ARHGEF38: variants seen among roughly 807,000 people sequenced by gnomAD.
ARHGEF38 encodes Rho guanine nucleotide exchange factor 38, also known as Rho guanine nucleotide exchange factor (GEF) 38.
A neutral mutation model predicts 79.9 loss-of-function variants in ARHGEF38; 79 were observed. That is an observed-to-expected ratio of 0.99 (90% CI 0.82 to 1.19). ARHGEF38 has a LOEUF of 1.19. ARHGEF38 is among the 50% of genes most tolerant of loss of function. The probability of loss-of-function intolerance (pLI) is 0.00; values close to 1 mark genes in which losing one functional copy is unlikely to be tolerated. For missense variants in ARHGEF38, 962 were observed against 907.2 expected (o/e 1.06, Z -0.78); for synonymous variants, 366 against 328.3 (o/e 1.11, Z -1.24).
chr4:105,653,841 A>G (rs1165469686), intron 7 of ARHGEF38, among the ~76,000 whole-genome samples: 1 of 152,236 alleles, frequency 6.6e-6, no homozygotes, highest in Admixed American at 6.5e-5. Context: ...GAAATTAACA[A>G]CAGCAATTTG....
intron 3 of ARHGEF38, among the ~76,000 whole-genome samples, chr4:105,624,528 A>G (rs1728865912): frequency 6.6e-6 from 1 of 152,194 alleles, no homozygotes; most frequent in African/African-American, 2.4e-5. Flanking sequence ...TCTCTTGGGT[A>G]TCCACAGCAG....
rs551621967 is a variant in ARHGEF38 at position 105,580,568 on chromosome 4, T to C, written c.197-8680T>C. Among the ~76,000 whole-genome samples, 14 of 152,182 alleles carry C rather than the reference T, an allele frequency of 9.2e-5. No homozygotes were observed. In the South Asian group the frequency reaches 2.7e-3, roughly 29 times the overall value. On this transcript the variant is annotated intron_variant, in intron 1 of 13. Coordinates refer to ENST00000420470, the MANE Select transcript of ARHGEF38 (RefSeq NM_001242729.2). ...CATTAATTCTAATTTTATTGTACTA[T>C]GGTCTGAGAGAGTGGTTGGCAAAAT...
intron 13 of ARHGEF38, among the ~76,000 whole-genome samples, chr4:105,673,927 A>T (rs1731037761): frequency 6.6e-6 from 1 of 152,200 alleles, no homozygotes; most frequent in Non-Finnish European, 1.5e-5. Flanking sequence ...CAATACAACT[A>T]CCTTGGTTTC....
Position 105,659,147 on chromosome 4 carries a change from A to T in ARHGEF38, c.1327A>T (p.Lys443Ter), listed in dbSNP as rs1730458632. The change falls in exon 10 of 14, where the codon AAA becomes TAA. Residue 443 changes from lysine (K) to a stop codon, truncating the protein, a stop_gained. Transcript: ENST00000420470. LOFTEE classifies it high-confidence loss of function. ...PHKLIQKRYD[K>*]LLDCNSYLQR... ...CAAGCTCATCCAGAAACGCTATGAC[A>T]AACTGCTGGATTGCAACAGCTACCT... The T allele has an allele frequency of 6.5e-7, 1 of 1,536,114 alleles. No individual in the cohort carries two copies. The highest frequency in any genetic ancestry group is 1.7e-4 in the Middle Eastern group (1 of 5,988).
chr4:105,614,043 T>A (rs897652400), intron 3 of ARHGEF38, among the ~76,000 whole-genome samples: 4 of 152,130 alleles, frequency 2.6e-5, no homozygotes, highest in African/African-American at 9.7e-5. Flanking sequence ...TTACTGTCAA[T>A]CAGATATATT....
Position 105,590,374 on chromosome 4 carries a change from G to C in ARHGEF38, c.384+939G>C, listed in dbSNP as rs754645492. Among the ~76,000 whole-genome samples, 60 of 152,086 alleles carry C rather than the reference G, an allele frequency of 3.9e-4. 1 individual carries two copies. The highest frequency in any genetic ancestry group is 8.8e-5 in the Non-Finnish European group (6 of 68,012). On this transcript the variant is annotated intron_variant, in intron 2 of 13. Coordinates refer to ENST00000420470, the MANE Select transcript of ARHGEF38 (RefSeq NM_001242729.2). ...AAACAATATAGAAAAACAGAAGCTA[G>C]AAAGTGAAAATGATCAGAAATTCCA...
rs542712130 is a variant in ARHGEF38 at position 105,608,851 on chromosome 4, A to G, written c.385-4533A>G. Among the ~76,000 whole-genome samples the G allele has an allele frequency of 1.1e-4, 17 of 151,944 alleles. No homozygotes were observed. In the East Asian group the frequency reaches 3.3e-3, roughly 29 times the overall value. The stretch of plus-strand genomic sequence containing the variant: ...TATCCATTAGTTTTGCCCATGTTTT[A>G]ATGGGATTATTTGTTTTCTTACTGA... On this transcript the variant is annotated intron_variant, in intron 2 of 13. Transcript: ENST00000420470.
Position 105,649,972 on chromosome 4 carries a change from G to A in ARHGEF38, c.1008+1290G>A, listed in dbSNP as rs189604798. ...ATTCAATGTAATCATCTGTAAATTC[G>A]GATTCTCCTAGTACTTAACAAATGG... On this transcript the variant is annotated intron_variant, in intron 7 of 13. Transcript: ENST00000420470. Among the ~76,000 whole-genome samples the A allele has an allele frequency of 4.6e-5, 7 of 152,208 alleles. No homozygotes were observed. In the South Asian group the frequency reaches 6.2e-4, roughly 14 times the overall value.
At chr4:105,631,262 G>A (rs1310650456) in intron 4 of ARHGEF38, 2 of 1,221,028 alleles carry the variant, frequency 1.6e-6, no homozygotes, top group Middle Eastern at 3.2e-4. Context: ...CATGGAAGAA[G>A]ATTTAGAGCT....
chr4:105,635,411 A>G (rs1234965633), intron 4 of ARHGEF38, among the ~76,000 whole-genome samples: 1 of 152,052 alleles, frequency 6.6e-6, no homozygotes, highest in Non-Finnish European at 1.5e-5. Flanking sequence ...TTATGTTATG[A>G]TATTTAGGTT....
chr4:105,613,634 T>C (rs1728395498), intron 3 of ARHGEF38, 127 bp downstream of exon 3: 2 of 1,002,732 alleles, frequency 2.0e-6, no homozygotes, highest in East Asian at 5.3e-5. Flanking sequence ...GCTAAACCCA[T>C]CTTTGGGCTC....
At chr4:105,651,025 A>G (rs999873190) in intron 7 of ARHGEF38, among the ~76,000 whole-genome samples, 4 of 152,106 alleles carry the variant, frequency 2.6e-5, no homozygotes, top group Middle Eastern at 3.2e-3. Flanking sequence ...TTCCCCCCCC[A>G]AGTCTTTGGG....
chr4:105,566,543 T>C (rs1292335793), intron 1 of ARHGEF38, among the ~76,000 whole-genome samples: 1 of 152,230 alleles, frequency 6.6e-6, no homozygotes, highest in Non-Finnish European at 1.5e-5. Context: ...ACCTCAAGCA[T>C]TTATCCTTTG....
At chr4:105,599,270 T>A (rs886615816) in intron 2 of ARHGEF38, among the ~76,000 whole-genome samples, 1 of 152,192 alleles carries the variant, frequency 6.6e-6, no homozygotes, top group African/African-American at 2.4e-5. Flanking sequence ...AAGCACCTCC[T>A]AAGCTCCTTT....
At chr4:105,618,563 G>T (rs1256292714) in intron 3 of ARHGEF38, among the ~76,000 whole-genome samples, 1 of 152,218 alleles carries the variant, frequency 6.6e-6, no homozygotes, top group Non-Finnish European at 1.5e-5. Context: ...AGAAGTTCCA[G>T]TGAGCTGAGA....
intron 10 of ARHGEF38, among the ~76,000 whole-genome samples, chr4:105,665,223 G>T (rs113003146): frequency 6.6e-6 from 1 of 151,928 alleles, no homozygotes; most frequent in Non-Finnish European, 1.5e-5. Context: ...GGCCAGGTGC[G>T]GTCACTTATG....
intron 3 of ARHGEF38, among the ~76,000 whole-genome samples, chr4:105,626,256 A>G (rs531575602): frequency 6.6e-6 from 1 of 152,318 alleles, no homozygotes; most frequent in Admixed American, 6.5e-5. Context: ...CACTTAAACC[A>G]CAATTCTGGG....
chr4:105,672,363 TC>T (rs1381215069), intron 13 of ARHGEF38, among the ~76,000 whole-genome samples: 1 of 152,150 alleles, frequency 6.6e-6, no homozygotes, highest in African/African-American at 2.4e-5. Flanking sequence ...ACAAAAAAGT[TC>T]CCCCAAATTA....
At position 105,552,870 on chromosome 4, in the gene ARHGEF38, C is replaced by T; in HGVS notation, c.105C>T (p.Asp35=). 6.2e-7 allele frequency: 1 copy of T among 1,613,966 alleles called. No individual in the cohort carries two copies. ...ATATGCTGGAGAGAAGGAAGACTGA[C>T]ACTGTGGTTGAGAGCAGTGTTTCTG... The part of the protein sequence containing the change: ...RLYMLERRKT[D]TVVESSVSGD... Residue 35 remains aspartate (D), a synonymous_variant, in exon 1 of 14, where the codon GAC becomes GAT. Transcript: ENST00000420470.
Sources: allele counts gnomAD v4.1 joint callset (sites outside exome capture counted in the v4.1 genomes callset), GRCh38; gene constraint gnomAD v4.1.1; transcripts MANE v1.5; gene names NCBI Gene and HGNC (gene_info 2026-07-23, HGNC 2026-07-21).